PRR14L: variants seen among roughly 807,000 people sequenced by gnomAD.
PRR14L encodes the protein protein PRR14L.
PRR14L carries 80 observed loss-of-function variants against 155.0 expected under a neutral mutation model. The ratio of observed to expected loss-of-function variants is 0.52; its 90% CI spans 0.43 to 0.62. The LOEUF (loss-of-function observed/expected upper bound fraction) is 0.62. Among genes scored for constraint, PRR14L ranks in the 20% least tolerant of loss-of-function variants. The pLI is 0.00. For synonymous variants in PRR14L, 883 were observed against 916.0 expected, an observed-to-expected ratio of 0.96 and a Z score of 0.65; for missense variants, 2,469 against 2,548.0, an observed-to-expected ratio of 0.97 and a Z score of 0.67.
At position 31,716,248 on chromosome 22, in the gene PRR14L, T is replaced by C. The variant is rs1365938921; in HGVS notation, c.1591A>G (p.Ile531Val). 1 of 1,551,562 alleles carries C rather than the reference T, an allele frequency of 6.4e-7. No homozygotes were observed. Among genetic ancestry groups the C allele is most frequent in the Admixed American group, 2.0e-5 (1 of 50,984 alleles). Residue 531 changes from isoleucine (I) to valine (V), a missense_variant, in exon 4 of 9, where the codon ATA becomes GTA. Transcript: ENST00000327423. ...TTAGTGTAAAAAGATTTACTTAATA[T>C]ATTGGGCTCTACAGGGGTTGTCTGT... ...AGQTTPVEPN[I>V]LSKSFYTKDC...
At chr22:31,731,258 T>C (rs1000071302) in intron 2 of PRR14L, among the ~76,000 whole-genome samples, 16 of 152,154 alleles carry the variant, frequency 1.1e-4, no homozygotes, top group African/African-American at 3.9e-4. Context: ...CATTTCTATG[T>C]GTATATATTA....
At chr22:31,742,202 T>C (rs984904977) in intron 1 of PRR14L, among the ~76,000 whole-genome samples, 1 of 152,182 alleles carries the variant, frequency 6.6e-6, no homozygotes, top group African/African-American at 2.4e-5. Context: ...TCGAAGGAGA[T>C]GGGCTCCTTG....
chr22:31,688,129 T>C, intron 8 of PRR14L, 27 bp downstream of exon 8: 1 of 1,589,950 alleles, frequency 6.3e-7, no homozygotes, highest in Non-Finnish European at 8.6e-7. Context: ...AATTCTTCCC[T>C]TTTATTTCCC....
At position 31,715,233 on chromosome 22, in the gene PRR14L, C is replaced by T. The variant is rs972893485; in HGVS notation, c.2606G>A (p.Gly869Glu). The T allele has an allele frequency of 6.4e-7, 1 of 1,552,308 alleles. No homozygotes were observed. The highest frequency in any genetic ancestry group is 8.7e-7 in the Non-Finnish European group (1 of 1,147,138). The change falls in exon 4 of 9, where the codon GGA (glycine) becomes GAA (glutamate). Residue 869 changes from glycine to glutamate, a missense_variant. Coordinates refer to ENST00000327423, the MANE Select transcript of PRR14L (RefSeq NM_173566.3). ...TACCATTTTGTTTCTGATCTTATCTCCTGGAAGGCTGCCATTCGTTTCTTT... is the reference window on the plus strand; with the variant it reads ...TACCATTTTGTTTCTGATCTTATCTTCTGGAAGGCTGCCATTCGTTTCTTT... ...DGKETNGSLPGDKIRNKMVAG... is the reference protein window; with the variant it reads ...DGKETNGSLPEDKIRNKMVAG...
At chr22:31,729,759 G>C (rs1458611306) in intron 2 of PRR14L, among the ~76,000 whole-genome samples, 3 of 152,162 alleles carry the variant, frequency 2.0e-5, no homozygotes, top group Non-Finnish European at 4.4e-5. Flanking sequence ...GGGGTAAGGG[G>C]AGAATGGTGA....
chr22:31,703,627 C>T lies in PRR14L; in HGVS notation c.5923G>A (p.Val1975Ile). 6.2e-7 allele frequency: 1 copy of T among 1,613,824 alleles called. No homozygotes were observed. ...CCATCCAGCTCATCCAATCCACGAA[C>T]CTGGAACTCAGAGGCTGAAAGCAGG... ...KLLLSASEFQ[V>I]RGLDELDGVK... The change falls in exon 6 of 9, where the codon GTT becomes ATT. Residue 1975 changes from valine to isoleucine, a missense_variant. By Grantham distance (29) the Val-to-Ile change is conservative. This residue lies in a region of PRR14L where 2,363 missense variants were observed against 2,371.6 expected (regional missense o/e 1.00). Coordinates refer to ENST00000327423, the MANE Select transcript of PRR14L (RefSeq NM_173566.3).
At position 31,715,309 on chromosome 22, in the gene PRR14L, T is replaced by C. The variant is rs2074650517; in HGVS notation, c.2530A>G (p.Lys844Glu). Residue 844 changes from lysine to glutamate, a missense_variant, in exon 4 of 9, where the codon AAA (lysine) becomes GAA (glutamate). This residue lies in a region of PRR14L where 2,363 missense variants were observed against 2,371.6 expected (regional missense o/e 1.00). Transcript: ENST00000327423. The stretch of plus-strand genomic sequence containing the variant: ...GTGTAACTCACTTTACAGCTGCTTT[T>C]TTCCACAGAGTGTCCTGTTCCTTGG... ...CCQGTGHSVE[K>E]SSCKVSYTSQ... 6.4e-7 allele frequency: 1 copy of C among 1,552,172 alleles called. No individual in the cohort carries two copies. Among genetic ancestry groups the C allele is most frequent in the Non-Finnish European group, 8.7e-7 (1 of 1,147,102 alleles).
chr22:31,701,615 C>T (rs901174379), intron 7 of PRR14L, 41 bp downstream of exon 7: 2 of 1,322,278 alleles, frequency 1.5e-6, no homozygotes, highest in Non-Finnish European at 2.1e-6. Context: ...AAACAATTTT[C>T]CAAAAAAGTG....
chr22:31,707,454 C>T (rs1436009992), intron 4 of PRR14L, among the ~76,000 whole-genome samples: 2 of 152,122 alleles, frequency 1.3e-5, no homozygotes, highest in Non-Finnish European at 2.9e-5. Context: ...GATCTCGGCT[C>T]ACTGCAACCT....
In PRR14L at chr22:31,714,836, G is replaced by A. The variant is rs2074645921; in HGVS notation, c.3003C>T (p.Val1001=). The A allele has an allele frequency of 2.3e-5, 36 of 1,551,954 alleles. No homozygotes were observed. The highest frequency in any genetic ancestry group is 3.1e-5 in the Non-Finnish European group (35 of 1,147,076). Residue 1001 remains valine (V), a synonymous_variant, in exon 4 of 9, where the codon GTC becomes GTT. Coordinates refer to ENST00000327423, the MANE Select transcript of PRR14L (RefSeq NM_173566.3). ...EMLSSDQRET[V]TEPHGEVNHN... ...GGTTTACCTCCCCGTGAGGCTCGGT[G>A]ACAGTCTCTCTCTGGTCACTACTTA...
At chr22:31,689,807 C>T (rs137896252) in intron 7 of PRR14L, among the ~76,000 whole-genome samples, 2,208 of 152,164 alleles carry the variant, frequency 0.015, 55 homozygotes, top group African/African-American at 0.051. Context: ...AGTGCAATGG[C>T]GCGATCTCAG....
chr22:31,725,537 C>A lies in PRR14L; in HGVS notation c.547+1G>T. On this transcript the variant is annotated splice_donor_variant, in intron 3 of 8. Transcript: ENST00000327423. LOFTEE classifies it high-confidence loss of function. The stretch of plus-strand genomic sequence containing the variant: ...GGAAGAGATTTGAGAGAAATAAATA[C>A]CTTTGCTCCTTAGAAAATCTTCAGG... The A allele has an allele frequency of 1.3e-6, 2 of 1,541,712 alleles. No homozygotes were observed. The highest frequency in any genetic ancestry group is 8.8e-7 in the Non-Finnish European group (1 of 1,138,048).
At position 31,715,310 on chromosome 22, in the gene PRR14L, T is replaced by C. The variant is rs1449729863; in HGVS notation, c.2529A>G (p.Glu843=). The C allele has an allele frequency of 1.3e-6, 2 of 1,552,172 alleles. No individual in the cohort carries two copies. The highest frequency in any genetic ancestry group is 2.7e-5 in the African/African-American group (2 of 73,178). Residue 843 remains glutamate (E), a synonymous_variant, in exon 4 of 9, where the codon GAA becomes GAG. Transcript: ENST00000327423. ...TGTAACTCACTTTACAGCTGCTTTT[T>C]TCCACAGAGTGTCCTGTTCCTTGGC... ...HCCQGTGHSV[E]KSSCKVSYTS...
At chr22:31,695,928 CCT>C (rs1445209722) in intron 7 of PRR14L, among the ~76,000 whole-genome samples, 1 of 151,976 alleles carries the variant, frequency 6.6e-6, no homozygotes, top group Non-Finnish European at 1.5e-5. Context: ...ATAAACTTCC[CCT>C]GTCTAAAATA....
At chr22:31,694,645 G>A (rs991739023) in intron 7 of PRR14L, among the ~76,000 whole-genome samples, 11 of 151,886 alleles carry the variant, frequency 7.2e-5, no homozygotes, top group Non-Finnish European at 1.3e-4. Flanking sequence ...CCAGCTATTC[G>A]GGAGGCTGAG....
chr22:31,740,751 C>T (rs987913566), intron 1 of PRR14L, among the ~76,000 whole-genome samples: 1 of 152,042 alleles, frequency 6.6e-6, no homozygotes, highest in Non-Finnish European at 1.5e-5. Context: ...AAGAGCGTAA[C>T]GTTATAATAC....
intron 2 of PRR14L, among the ~76,000 whole-genome samples, chr22:31,737,051 AAAAAAAG>A (rs1423013238): frequency 6.6e-6 from 1 of 150,834 alleles, no homozygotes; most frequent in African/African-American, 2.4e-5. Context: ...AAAAAAAAAA[AAAAAAAG>A]GAGACCATAT....
intron 6 of PRR14L, among the ~76,000 whole-genome samples, chr22:31,703,288 C>G (rs1267114684): frequency 8.5e-5 from 13 of 152,302 alleles, no homozygotes; most frequent in African/African-American, 2.4e-4. Context: ...CAAAGCAGCT[C>G]TTTCGTCCAA....
At chr22:31,722,343 T>C (rs1028410362) in intron 3 of PRR14L, among the ~76,000 whole-genome samples, 2 of 150,694 alleles carry the variant, frequency 1.3e-5, no homozygotes, top group Non-Finnish European at 3.0e-5. Context: ...GGCAGGAGAA[T>C]TGCTTGAACC....
Sources: allele counts gnomAD v4.1 joint callset (sites outside exome capture counted in the v4.1 genomes callset), GRCh38; gene constraint gnomAD v4.1.1; regional missense constraint gnomAD v4.1.1; transcripts MANE v1.5; gene names NCBI Gene and HGNC (gene_info 2026-07-23, HGNC 2026-07-21).